The following APOLD1 variants were observed in gnomAD, a reference collection of about 807,000 sequenced individuals.
APOLD1 encodes apolipoprotein L domain-containing protein 1.
In APOLD1, 22 loss-of-function variants were observed where a neutral mutation model predicts 15.3. The ratio of observed to expected loss-of-function variants is 1.44; its 90% CI spans 1.03 to 2.05. The LOEUF (loss-of-function observed/expected upper bound fraction) is 2.05, where lower values mean the gene tolerates loss of function less well. Ranked by LOEUF, APOLD1 falls within the 30% of genes most tolerant of loss-of-function variation. APOLD1 has a pLI of 0.00. For missense variants in APOLD1, 394 were observed against 353.5 expected (o/e 1.11, Z -0.92); for synonymous variants, 190 against 167.4 (o/e 1.13, Z -1.04).
chr12:12,780,720 C>T (rs1947073169), upstream of APOLD1, among the ~76,000 whole-genome samples: 1 of 64,448 alleles, frequency 1.6e-5, no homozygotes, highest in African/African-American at 4.0e-5. Context: ...TTCCCAGTAG[C>T]TGGGACTGCA....
chr12:12,744,341 G>T (rs1241729238), intron 1 of APOLD1, among the ~76,000 whole-genome samples: 3 of 151,006 alleles, frequency 2.0e-5, no homozygotes. Flanking sequence ...GGCTGTGGTG[G>T]CTCAGGTCTG....
intron 1 of APOLD1, among the ~76,000 whole-genome samples, chr12:12,726,987 C>T (rs919854107): frequency 2.0e-5 from 3 of 152,212 alleles, no homozygotes; most frequent in African/African-American, 7.2e-5. Flanking sequence ...AAGCACTAGT[C>T]TTGGATGACC....
At chr12:12,758,628 A>G (rs1485386984) in intron 1 of APOLD1, among the ~76,000 whole-genome samples, 2 of 152,222 alleles carry the variant, frequency 1.3e-5, no homozygotes, top group African/African-American at 2.4e-5. Flanking sequence ...TATTGAATGA[A>G]CAGAAACATT....
rs761796342 is a variant in APOLD1 at position 12,787,416 on chromosome 12, GTCT to G, written c.516_518del (p.Phe173del). 6.8e-6 allele frequency: 11 copies of G among 1,614,060 alleles called. 1 individual carries two copies. The highest frequency in any genetic ancestry group is 1.6e-4 in the Middle Eastern group (1 of 6,084). Reference sequence around the variant, plus strand: ...CCTGTACAATTCTGTCTACTTCATCGTCTTCTTTGGCTCACGTGGCTTCCTCAT... The same window carrying G: ...CCTGTACAATTCTGTCTACTTCATCGTCTTTGGCTCACGTGGCTTCCTCAT... On this transcript the variant is annotated inframe_deletion, in exon 2 of 2. Transcript: ENST00000356591. This position sits in a 1 kb window ranked among gnomAD's most constrained non-coding sequence, Gnocchi z 4.9.
chr12:12,745,062 T>G (rs936382063), intron 1 of APOLD1, among the ~76,000 whole-genome samples: 10 of 152,172 alleles, frequency 6.6e-5, no homozygotes, highest in African/African-American at 9.7e-5. Context: ...ATTAAAATAA[T>G]GTACTGGCAA....
At chr12:12,743,075 T>C (rs1196349428) in intron 1 of APOLD1, among the ~76,000 whole-genome samples, 1 of 152,258 alleles carries the variant, frequency 6.6e-6, no homozygotes, top group East Asian at 1.9e-4. Flanking sequence ...TTATCTTCGT[T>C]AATCTTGGTT....
chr12:12,766,538 A>G (rs1487958185), intron 1 of APOLD1, among the ~76,000 whole-genome samples: 2 of 152,200 alleles, frequency 1.3e-5, no homozygotes, highest in Admixed American at 6.5e-5. Context: ...GGCAATAGTA[A>G]AACACTGATA....
chr12:12,758,126 C>T (rs530316213), intron 1 of APOLD1, among the ~76,000 whole-genome samples: 190 of 144,592 alleles, frequency 1.3e-3, no homozygotes, highest in South Asian at 8.0e-3. Context: ...TTAGTAGAGA[C>T]GGGGTTTCAC....
intron 1 of APOLD1, among the ~76,000 whole-genome samples, chr12:12,777,503 A>G (rs189665745): frequency 9.2e-5 from 14 of 152,330 alleles, no homozygotes; most frequent in Admixed American, 9.1e-4. Context: ...TTTTTACTAC[A>G]AGTTGAGTAT....
intron 1 of APOLD1, among the ~76,000 whole-genome samples, chr12:12,780,271 G>A (rs1233941039): frequency 6.7e-6 from 1 of 148,736 alleles, no homozygotes; most frequent in Non-Finnish European, 1.5e-5. Context: ...TTGAGACAAT[G>A]TCTGGCTCTA....
chr12:12,758,271 G>T (rs1369827924), intron 1 of APOLD1, among the ~76,000 whole-genome samples: 1 of 151,826 alleles, frequency 6.6e-6, no homozygotes, highest in Non-Finnish European at 1.5e-5. Flanking sequence ...AAAGTGCCGG[G>T]TGCAGTGGCT....
At chr12:12,783,630 GT>G (rs60822688), upstream of APOLD1, among the ~76,000 whole-genome samples, 28,267 of 123,832 alleles carry the variant, frequency 0.23, 2,672 homozygotes, top group South Asian at 0.3. Context: ...GTTTTTTTTT[GT>G]TTTTTTTTTT....
At chr12:12,736,360 C>CA (rs1362783797) in intron 1 of APOLD1, among the ~76,000 whole-genome samples, 1 of 98,190 alleles carries the variant, frequency 1.0e-5, no homozygotes, top group African/African-American at 4.0e-5. Context: ...TCAAAAAAAA[C>CA]AAAACAAAAC....
intron 1 of APOLD1, among the ~76,000 whole-genome samples, chr12:12,765,417 A>T (rs1255155944): frequency 6.6e-6 from 1 of 152,230 alleles, no homozygotes. Context: ...TTAAATGAAT[A>T]AAGATAAACT....
At position 12,787,050 on chromosome 12, in the gene APOLD1, C is replaced by T; in HGVS notation, c.145C>T (p.Arg49Cys). 1.5e-6 allele frequency: 2 copies of T among 1,374,338 alleles called. No homozygotes were observed. Among genetic ancestry groups the T allele is most frequent in the Non-Finnish European group, 1.9e-6 (2 of 1,074,352 alleles). The allele number at this position is 1,374,338 out of a possible 1,614,324, so 85.1% of individuals were successfully genotyped here. A position where few individuals can be genotyped will look rare whatever the true frequency, so the allele number is the denominator to read the frequency against. ...REVARRLERLRRRSLVANVAG... is the reference protein window; with the variant it reads ...REVARRLERLCRRSLVANVAG... ...GGTGGCCCGGCGCCTGGAGCGCCTGCGCAGGCGCTCCCTCGTAGCCAACGT... is the reference window on the plus strand; with the variant it reads ...GGTGGCCCGGCGCCTGGAGCGCCTGTGCAGGCGCTCCCTCGTAGCCAACGT... Residue 49 changes from arginine (R) to cysteine (C), a missense_variant, in exon 2 of 2, where the codon CGC (arginine) becomes TGC (cysteine). Physicochemically the swap from Arg to Cys is radical, Grantham distance 180 (BLOSUM62 -3). Coordinates refer to ENST00000356591, the MANE Select transcript of APOLD1 (RefSeq NM_030817.3). This position sits in a 1 kb window ranked among gnomAD's most constrained non-coding sequence, Gnocchi z 4.9.
chr12:12,748,540 T>A (rs1333362880), intron 1 of APOLD1, among the ~76,000 whole-genome samples: 2 of 152,262 alleles, frequency 1.3e-5, no homozygotes, highest in Non-Finnish European at 2.9e-5. Context: ...ATGTGATATT[T>A]TGATACATGC....
chr12:12,751,498 G>A (rs1046381561), intron 1 of APOLD1, among the ~76,000 whole-genome samples: 10 of 152,124 alleles, frequency 6.6e-5, no homozygotes, highest in African/African-American at 2.4e-4. Flanking sequence ...CTACAGGGGC[G>A]TTCAACCATG....
chr12:12,726,239 G>A (rs1339336421), intron 1 of APOLD1: 2 of 735,150 alleles, frequency 2.7e-6, no homozygotes, highest in East Asian at 2.7e-5. Context: ...TCATAATTCA[G>A]CCAGTCGGTG....
chr12:12,753,753 A>C lies in APOLD1; in HGVS notation c.96+27657A>C, dbSNP rs566975686. 1.1e-3 allele frequency among the ~76,000 whole-genome samples: 172 copies of C among 152,306 alleles called. 1 individual carries two copies. The highest frequency in any genetic ancestry group is 1.9e-3 in the Admixed American group (29 of 15,302). On this transcript the variant is annotated intron_variant, in intron 1 of 1. Transcript: ENST00000326765. ...ATAATTCGAAGAATTATTTAATCTC[A>C]GGCTTAGTTTCTGAGATGGAAAGAA... is the stretch of plus-strand genomic sequence containing the variant.
Sources: gnomAD v4.1 joint callset for allele counts (sites outside exome capture counted in the v4.1 genomes callset) on GRCh38, gnomAD v4.1.1 for gene constraint, Gnocchi (gnomAD v3.1) non-coding constraint, MANE v1.5 for transcripts, NCBI Gene and HGNC (gene_info 2026-07-23, HGNC 2026-07-21) for gene names.